The following LUZP2 variants were observed in gnomAD, a reference collection of about 807,000 sequenced individuals.
LUZP2 encodes leucine zipper protein 2.
In LUZP2, 52 loss-of-function variants were observed where a neutral mutation model predicts 51.6. The observed-to-expected ratio is 1.01, with a 90% confidence interval of 0.81 to 1.27. The LOEUF (loss-of-function observed/expected upper bound fraction) is 1.27, where lower values mean the gene tolerates loss of function less well. Ranked by LOEUF, LUZP2 falls within the 50% of genes most tolerant of loss-of-function variation. The pLI is 0.00. For synonymous variants in LUZP2, 154 were observed against 137.3 expected, an observed-to-expected ratio of 1.12 and a Z score of -0.85; for missense variants, 436 against 395.4, an observed-to-expected ratio of 1.10 and a Z score of -0.87.
intron 5 of LUZP2, among the ~76,000 whole-genome samples, chr11:24,893,597 C>T (rs1852925309): frequency 6.6e-6 from 1 of 152,066 alleles, no homozygotes; most frequent in East Asian, 1.9e-4. Flanking sequence ...TATCTTGTCT[C>T]CTAGTTTTAA....
intron 1 of LUZP2, among the ~76,000 whole-genome samples, chr11:24,707,012 G>A (rs111762569): frequency 1.8e-3 from 52 of 28,508 alleles, no homozygotes; most frequent in East Asian, 0.023. Flanking sequence ...AAAAAAAAAA[G>A]AAAAGAAAGG....
Position 24,699,086 on chromosome 11 carries a change from AACACACACAC to A in LUZP2, c.63-30050_63-30041del, listed in dbSNP as rs67317108. On this transcript the variant is annotated intron_variant, in intron 1 of 11. Coordinates refer to ENST00000336930, the MANE Select transcript of LUZP2 (RefSeq NM_001009909.4). Reference sequence around the variant, plus strand: ...TAAATAAATGAAAACAAACCACAGAAACACACACACACACACACACACACACACACACACA... The same window carrying A: ...TAAATAAATGAAAACAAACCACAGAAACACACACACACACACACACACACA... Among the ~76,000 whole-genome samples, 71 of 138,458 alleles carry A rather than the reference AACACACACAC, an allele frequency of 5.1e-4. 1 individual carries two copies. Among genetic ancestry groups the A allele is most frequent in the African/African-American group, 1.3e-3 (50 of 37,564 alleles). 90.8% of individuals were successfully genotyped at this position (138,458 alleles called of 152,430 possible). A position where few individuals can be genotyped will look rare whatever the true frequency, so the allele number is the denominator to read the frequency against.
chr11:24,656,190 A>C (rs1181081165), intron 1 of LUZP2, among the ~76,000 whole-genome samples: 2 of 152,168 alleles, frequency 1.3e-5, no homozygotes, highest in Non-Finnish European at 2.9e-5. Flanking sequence ...GGAGTGTCTT[A>C]ATTGTCTAGG....
intron 5 of LUZP2, among the ~76,000 whole-genome samples, chr11:24,839,311 A>G (rs1287312114): frequency 4.0e-5 from 6 of 151,698 alleles, no homozygotes; most frequent in African/African-American, 1.2e-4. Context: ...TTTCACTGAT[A>G]GTGTACTAGT....
chr11:24,512,073 G>T (rs575445188), intron 1 of LUZP2, among the ~76,000 whole-genome samples: 5 of 152,306 alleles, frequency 3.3e-5, no homozygotes, highest in Admixed American at 3.3e-4. Flanking sequence ...TTGTCCAACT[G>T]GGAGAGGGAT....
chr11:24,930,587 A>T (rs1344242275), intron 7 of LUZP2, among the ~76,000 whole-genome samples: 1 of 152,140 alleles, frequency 6.6e-6, no homozygotes, highest in Admixed American at 6.5e-5. Context: ...TCTGCTAAGA[A>T]ATCTGTTGTT....
chr11:24,922,699 G>C (rs542613928), intron 7 of LUZP2, among the ~76,000 whole-genome samples: 1 of 151,910 alleles, frequency 6.6e-6, no homozygotes, highest in African/African-American at 2.4e-5. Flanking sequence ...TCATTTGTGC[G>C]TCAAAATAAT....
intron 1 of LUZP2, among the ~76,000 whole-genome samples, chr11:24,643,844 T>G (rs1436334797): frequency 1.3e-5 from 2 of 152,214 alleles, no homozygotes; most frequent in African/African-American, 4.8e-5. Flanking sequence ...TGGGAAATTC[T>G]CTGTTTTCCA....
chr11:24,851,123 G>T (rs761240969), intron 5 of LUZP2, among the ~76,000 whole-genome samples: 35 of 152,008 alleles, frequency 2.3e-4, no homozygotes, highest in Non-Finnish European at 5.0e-4. Context: ...TTGCCTAATT[G>T]CCCTGGCCAG....
intron 1 of LUZP2, among the ~76,000 whole-genome samples, chr11:24,513,879 G>A (rs1850385995): frequency 6.6e-6 from 1 of 152,148 alleles, no homozygotes; most frequent in African/African-American, 2.4e-5. Context: ...AAGTTGACAG[G>A]CTGGGAAAAT....
intron 1 of LUZP2, among the ~76,000 whole-genome samples, chr11:24,573,761 A>G (rs1213687502): frequency 1.4e-5 from 2 of 146,196 alleles, no homozygotes; most frequent in Non-Finnish European, 3.1e-5. Context: ...AAGGATACAT[A>G]TTCACCAGGC....
chr11:24,729,722 A>T (rs1203053119), intron 2 of LUZP2, among the ~76,000 whole-genome samples: 1 of 152,006 alleles, frequency 6.6e-6, no homozygotes, highest in Non-Finnish European at 1.5e-5. Flanking sequence ...TCTGTAAAAA[A>T]CATCTTAACA....
intron 1 of LUZP2, among the ~76,000 whole-genome samples, chr11:24,571,145 A>G (rs1034310321): frequency 5.3e-5 from 8 of 151,858 alleles, no homozygotes; most frequent in Non-Finnish European, 1.2e-4. Flanking sequence ...CTCCAGCTAC[A>G]GGGATATTGA....
chr11:24,915,648 T>TAGAC (rs58152629), intron 7 of LUZP2, among the ~76,000 whole-genome samples: 86,017 of 151,086 alleles, frequency 0.57, 24,819 homozygotes, highest in East Asian at 0.83. Flanking sequence ...ATGTTGATGA[T>TAGAC]AGACAGATAG....
chr11:24,541,993 A>C (rs1459198865), intron 1 of LUZP2, among the ~76,000 whole-genome samples: 1 of 152,090 alleles, frequency 6.6e-6, no homozygotes, highest in African/African-American at 2.4e-5. Context: ...GAATGGATTT[A>C]TGTTTTCACA....
intron 1 of LUZP2, among the ~76,000 whole-genome samples, chr11:24,720,359 A>T (rs1043216685): frequency 6.6e-6 from 1 of 152,254 alleles, no homozygotes; most frequent in African/African-American, 2.4e-5. Flanking sequence ...AAATAAATGT[A>T]AAAATTATAA....
chr11:24,925,078 A>G (rs1287080529), intron 7 of LUZP2, among the ~76,000 whole-genome samples: 1 of 152,182 alleles, frequency 6.6e-6, no homozygotes, highest in Non-Finnish European at 1.5e-5. Context: ...ACAGCTTTGC[A>G]TGGCCATTTC....
chr11:24,664,595 C>G (rs1016637725), intron 1 of LUZP2, among the ~76,000 whole-genome samples: 2 of 152,086 alleles, frequency 1.3e-5, no homozygotes, highest in African/African-American at 4.8e-5. Flanking sequence ...CTGGGCTGGT[C>G]CCAGGAACCC....
At chr11:24,962,906 G>T (rs978894263) in intron 7 of LUZP2, among the ~76,000 whole-genome samples, 2 of 152,072 alleles carry the variant, frequency 1.3e-5, no homozygotes, top group Non-Finnish European at 2.9e-5. Flanking sequence ...TCTACTTTTG[G>T]TCTTTGATGA....
Sources: allele counts gnomAD v4.1 joint callset (sites outside exome capture counted in the v4.1 genomes callset), GRCh38; gene constraint gnomAD v4.1.1; transcripts MANE v1.5; gene names NCBI Gene and HGNC (gene_info 2026-07-23, HGNC 2026-07-21).